CCDC91: variants seen among roughly 807,000 people sequenced by gnomAD.
CCDC91 encodes coiled-coil domain containing 91, also known as coiled-coil domain-containing protein 91.
CCDC91 carries 48 observed loss-of-function variants against 63.2 expected under a neutral mutation model. The observed-to-expected ratio is 0.76, with a 90% CI of 0.60 to 0.97. The LOEUF is 0.97. Ranked by LOEUF, CCDC91 falls within the 50% of genes least tolerant of loss-of-function variation. CCDC91 has a pLI of 0.00. For synonymous variants in CCDC91, 167 were observed against 165.8 expected (o/e 1.01, Z -0.06); for missense variants, 500 against 494.6 (o/e 1.01, Z -0.10).
At chr12:28,339,845 A>C (rs1420153996) in intron 6 of CCDC91, among the ~76,000 whole-genome samples, 4 of 152,180 alleles carry the variant, frequency 2.6e-5, no homozygotes, top group African/African-American at 9.7e-5. Context: ...GCAGTGGGGC[A>C]TGTTGTTTAC....
chr12:28,372,173 C>T (rs1382210297), intron 7 of CCDC91, among the ~76,000 whole-genome samples: 1 of 152,074 alleles, frequency 6.6e-6, no homozygotes, highest in Non-Finnish European at 1.5e-5. Flanking sequence ...TTTCTGGGTT[C>T]TCTATTCTGT....
At chr12:28,291,588 T>C (rs567697567) in intron 3 of CCDC91, among the ~76,000 whole-genome samples, 1 of 152,282 alleles carries the variant, frequency 6.6e-6, no homozygotes, top group Admixed American at 6.5e-5. Context: ...CTTTGGGAAG[T>C]ACTTTGGAGC....
chr12:28,306,582 T>C (rs989637269), intron 4 of CCDC91, among the ~76,000 whole-genome samples, 160 bp from the exon 5 acceptor site: 2 of 152,022 alleles, frequency 1.3e-5, no homozygotes, highest in African/African-American at 4.8e-5. Context: ...GTTGTAAAAG[T>C]TTGAGGTCTT....
intron 6 of CCDC91, among the ~76,000 whole-genome samples, chr12:28,333,360 A>G (rs1273120137): frequency 6.8e-6 from 1 of 147,774 alleles, no homozygotes; most frequent in Non-Finnish European, 1.5e-5. Flanking sequence ...GCGCCATTGC[A>G]CTCCAGCCTG....
chr12:28,378,759 T>C (rs1287684496), intron 7 of CCDC91, among the ~76,000 whole-genome samples: 3 of 152,110 alleles, frequency 2.0e-5, no homozygotes, highest in African/African-American at 2.4e-5. Flanking sequence ...CTGTTGCCAA[T>C]AGAGTTTGGC....
In CCDC91 at chr12:28,549,089, C is replaced by T. The variant is rs747578231; in HGVS notation, c.1242C>T (p.Ser414=). Residue 414 remains serine (S), a synonymous_variant, in exon 13 of 13, where the codon AGC becomes AGT. Transcript: ENST00000536442. Reference sequence around the variant, plus strand: ...TCGATCAAGTCATCCGCCAAAGAAGCCTGTCCAGTTTGGAACTGTTCCTCT... The same window carrying T: ...TCGATCAAGTCATCCGCCAAAGAAGTCTGTCCAGTTTGGAACTGTTCCTCT... ...KRLDQVIRQR[S]LSSLELFLSC... is the part of the protein sequence containing the mutation. 5.6e-6 allele frequency: 9 copies of T among 1,611,852 alleles called. No individual in the cohort carries two copies. Among genetic ancestry groups the T allele is most frequent in the African/African-American group, 1.3e-5 (1 of 74,764 alleles).
chr12:28,337,073 TA>T (rs1220957544), intron 6 of CCDC91, among the ~76,000 whole-genome samples: 2 of 152,132 alleles, frequency 1.3e-5, no homozygotes, highest in Admixed American at 6.5e-5. Flanking sequence ...TAAGCGTTAG[TA>T]AAGCCTCAGT....
intron 1 of CCDC91, among the ~76,000 whole-genome samples, chr12:28,207,173 A>G (rs1477380833): frequency 6.6e-6 from 1 of 152,236 alleles, no homozygotes; most frequent in South Asian, 2.1e-4. Context: ...TTCAAAGATA[A>G]GAGTCTAATG....
intron 1 of CCDC91, among the ~76,000 whole-genome samples, chr12:28,191,002 C>T (rs955406287): frequency 1.3e-5 from 2 of 152,256 alleles, no homozygotes; most frequent in African/African-American, 4.8e-5. Context: ...TTAGATTACA[C>T]AGAACGCGCC....
intron 6 of CCDC91, among the ~76,000 whole-genome samples, chr12:28,311,969 G>C (rs1296603620): frequency 1.3e-5 from 2 of 151,968 alleles, no homozygotes; most frequent in Non-Finnish European, 2.9e-5. Context: ...TAGTTAGTCT[G>C]CCTTCCCTCT....
intron 11 of CCDC91, among the ~76,000 whole-genome samples, chr12:28,476,108 T>C (rs1191597756): frequency 6.6e-6 from 1 of 151,978 alleles, no homozygotes; most frequent in East Asian, 1.9e-4. Context: ...TTAGTAAGAA[T>C]GGAATTTTGG....
At chr12:28,296,974 T>C (rs77532853) in intron 3 of CCDC91, among the ~76,000 whole-genome samples, 3,005 of 151,904 alleles carry the variant, frequency 0.02, 103 homozygotes, top group African/African-American at 0.068. Flanking sequence ...GATGACAGTT[T>C]ATGAAAGCAG....
chr12:28,466,242 G>T (rs913702391), intron 11 of CCDC91, among the ~76,000 whole-genome samples: 1 of 152,126 alleles, frequency 6.6e-6, no homozygotes, highest in African/African-American at 2.4e-5. Flanking sequence ...GCAAACCTAA[G>T]AGTTATTGGC....
At chr12:28,208,006 G>A (rs551440617) in intron 1 of CCDC91, among the ~76,000 whole-genome samples, 1 of 152,176 alleles carries the variant, frequency 6.6e-6, no homozygotes, top group African/African-American at 2.4e-5. Flanking sequence ...TATTTCCTTG[G>A]TATTTAATTA....
At chr12:28,502,602 C>T (rs1181766980) in intron 12 of CCDC91, among the ~76,000 whole-genome samples, 1 of 149,924 alleles carries the variant, frequency 6.7e-6, no homozygotes, top group Non-Finnish European at 1.5e-5. Context: ...CATATGGAAC[C>T]AAAAAAGAGC....
chr12:28,211,142 G>A (rs1466909850), intron 1 of CCDC91, among the ~76,000 whole-genome samples: 1 of 149,722 alleles, frequency 6.7e-6, no homozygotes, highest in East Asian at 1.9e-4. Context: ...TCTTTTTTGT[G>A]TTAATTAAAA....
At chr12:28,365,953 C>T (rs1944244789) in intron 7 of CCDC91, among the ~76,000 whole-genome samples, 1 of 152,036 alleles carries the variant, frequency 6.6e-6, no homozygotes, top group Non-Finnish European at 1.5e-5. Context: ...TTTTTCCTGT[C>T]CCTGTTGAGC....
intron 6 of CCDC91, among the ~76,000 whole-genome samples, chr12:28,353,552 T>C (rs1943322434): frequency 1.3e-5 from 2 of 152,288 alleles, no homozygotes; most frequent in South Asian, 4.2e-4. Flanking sequence ...GCTGTTATTA[T>C]AGGGTTATTA....
chr12:28,369,851 T>C (rs1172289968), intron 7 of CCDC91, among the ~76,000 whole-genome samples: 3 of 152,206 alleles, frequency 2.0e-5, no homozygotes, highest in Non-Finnish European at 4.4e-5. Context: ...TGGACCGAGC[T>C]GTACCTTGGC....
Sources: allele counts gnomAD v4.1 joint callset (sites outside exome capture counted in the v4.1 genomes callset), GRCh38; gene constraint gnomAD v4.1.1; transcripts MANE v1.5; gene names NCBI Gene and HGNC (gene_info 2026-07-23, HGNC 2026-07-21).